RAB30: variants seen among roughly 807,000 people sequenced by gnomAD.
RAB30 encodes RAB30, member RAS oncogene family.
Under a neutral mutation model 25.1 loss-of-function variants are expected in RAB30, and 9 were observed. That is an observed-to-expected ratio of 0.36 (90% confidence interval 0.22 to 0.63). The LOEUF is 0.63. RAB30 is among the 20% of genes least tolerant of loss of function. The pLI, the probability that RAB30 is intolerant of heterozygous loss-of-function variation, is 0.69. For missense variants in RAB30, 140 were observed against 243.5 expected, an observed-to-expected ratio of 0.58 and a Z score of 2.83; for synonymous variants, 77 against 86.4, an observed-to-expected ratio of 0.89 and a Z score of 0.60.
rs978723720 is a variant in RAB30, at chr11:82,976,107, C to G, written c.*6058G>C. On this transcript the variant is annotated 3_prime_UTR_variant, in exon 5 of 5. Transcript: ENST00000527633. ...GAAATGGAGGGTGACAGTAGTAATGCCCAAAGGCAAAAGGATGGATCAGAC... is the reference window on the plus strand; with the variant it reads ...GAAATGGAGGGTGACAGTAGTAATGGCCAAAGGCAAAAGGATGGATCAGAC... 1 of 152,092 alleles carries G rather than the reference C, an allele frequency of 6.6e-6. No homozygotes were observed. Among genetic ancestry groups the G allele is most frequent in the Admixed American group, 6.6e-5 (1 of 15,260 alleles). 9.4% of individuals were successfully genotyped at this position (152,092 alleles called of 1,614,324 possible). A position where few individuals can be genotyped will look rare whatever the true frequency, so the allele number is the denominator to read the frequency against.
intron 1 of RAB30, among the ~76,000 whole-genome samples, chr11:83,039,734 C>G (rs1202576080): frequency 9.2e-5 from 14 of 152,014 alleles, no homozygotes; most frequent in African/African-American, 3.4e-4. Context: ...GAGCACACAA[C>G]AATGGAAGCT....
intron 2 of RAB30, among the ~76,000 whole-genome samples, chr11:82,996,471 T>C (rs191360747): frequency 1.3e-3 from 200 of 152,346 alleles, no homozygotes; most frequent in Admixed American, 2.8e-3. Flanking sequence ...AAGTACTTTA[T>C]GAAAATTCAA....
chr11:83,000,070 A>G (rs1292668603), intron 1 of RAB30, among the ~76,000 whole-genome samples: 1 of 152,064 alleles, frequency 6.6e-6, no homozygotes, highest in East Asian at 1.9e-4. Context: ...AAACAACCCT[A>G]TGAGGGGGAC....
intron 1 of RAB30, among the ~76,000 whole-genome samples, chr11:83,046,451 G>A (rs944404716): frequency 2.6e-5 from 4 of 152,044 alleles, no homozygotes; most frequent in African/African-American, 9.7e-5. Flanking sequence ...TGGCTCATAG[G>A]CCAAATCCAG....
chr11:82,987,831 A>G, intron 3 of RAB30, 61 bp from the exon 4 acceptor site: 1 of 1,240,924 alleles, frequency 8.1e-7, no homozygotes, highest in Admixed American at 2.7e-5. Flanking sequence ...AAAAAGAAAA[A>G]AAAAGCTTTG....
At chr11:82,992,064 C>T (rs980949991) in intron 3 of RAB30, among the ~76,000 whole-genome samples, 4 of 152,048 alleles carry the variant, frequency 2.6e-5, no homozygotes, top group Non-Finnish European at 5.9e-5. Flanking sequence ...TAAATGAACT[C>T]ATATATATAT....
chr11:83,051,725 A>G (rs973744288), intron 1 of RAB30, among the ~76,000 whole-genome samples: 2 of 151,856 alleles, frequency 1.3e-5, no homozygotes, highest in Non-Finnish European at 2.9e-5. Context: ...CCCTCATTTC[A>G]TTCTCAGAAG....
At position 82,978,890 on chromosome 11, in the gene RAB30, T is replaced by C. The variant is rs559137754; in HGVS notation, c.*3275A>G. ...AAACTCTAAATCAGAACTTGACACA[T>C]TGTCAAATCAACCCATTTAACTTTC... is the stretch of plus-strand genomic sequence containing the variant. On this transcript the variant is annotated 3_prime_UTR_variant, in exon 5 of 5. Coordinates refer to ENST00000527633, the MANE Select transcript of RAB30 (RefSeq NM_001286060.2). 5.3e-5 allele frequency: 8 copies of C among 152,318 alleles called. No homozygotes were observed. The highest frequency in any genetic ancestry group is 1.7e-4 in the African/African-American group (7 of 41,566). 9.4% of individuals were successfully genotyped at this position (152,318 alleles called of 1,614,324 possible). A position where few individuals can be genotyped will look rare whatever the true frequency, so the allele number is the denominator to read the frequency against.
chr11:83,008,374 A>G (rs769736059), intron 1 of RAB30, among the ~76,000 whole-genome samples: 3 of 152,202 alleles, frequency 2.0e-5, no homozygotes, highest in African/African-American at 4.8e-5. Flanking sequence ...AAGTGTCCAC[A>G]TGCTCAGCAA....
intron 1 of RAB30, among the ~76,000 whole-genome samples, chr11:83,046,338 T>C (rs1398125440): frequency 6.6e-6 from 1 of 152,130 alleles, no homozygotes; most frequent in Admixed American, 6.5e-5. Flanking sequence ...TTTCTAAGTG[T>C]CACCACTTAG....
intron 1 of RAB30, among the ~76,000 whole-genome samples, chr11:83,058,000 C>T (rs897013089): frequency 2.0e-5 from 3 of 152,146 alleles, no homozygotes; most frequent in African/African-American, 7.2e-5. Flanking sequence ...CTTGTTTTAC[C>T]CTTGCAACAA....
chr11:83,067,622 CAA>C (rs1858733061), intron 1 of RAB30, among the ~76,000 whole-genome samples: 2 of 152,222 alleles, frequency 1.3e-5, no homozygotes, highest in Non-Finnish European at 2.9e-5. Flanking sequence ...GAAAAAAACT[CAA>C]GTCATTTCAT....
chr11:83,004,551 A>C (rs189420948), intron 1 of RAB30, among the ~76,000 whole-genome samples: 1 of 152,312 alleles, frequency 6.6e-6, no homozygotes, highest in Admixed American at 6.5e-5. Context: ...GGAATAAAAA[A>C]GGGCAAGTAA....
intron 1 of RAB30, among the ~76,000 whole-genome samples, chr11:83,066,307 A>G (rs1312789461): frequency 6.6e-6 from 1 of 152,216 alleles, no homozygotes; most frequent in Non-Finnish European, 1.5e-5. Flanking sequence ...GGCATTTTCA[A>G]TTTACTACAG....
intron 1 of RAB30, among the ~76,000 whole-genome samples, chr11:83,012,164 G>A (rs1232063833): frequency 2.0e-5 from 3 of 152,208 alleles, no homozygotes; most frequent in East Asian, 1.9e-4. Context: ...AAAAGCTGCT[G>A]TGTTGGACTG....
At position 83,014,070 on chromosome 11, in the gene RAB30, C is replaced by G. The variant is rs905709753; in HGVS notation, c.-8-16746G>C. ...TGATGAACAAGAAGACAAGTTCCCCCTCTCATACAGCATAAAAATAGAGCA... is the reference window on the plus strand; with the variant it reads ...TGATGAACAAGAAGACAAGTTCCCCGTCTCATACAGCATAAAAATAGAGCA... On this transcript the variant is annotated intron_variant, in intron 1 of 4. Transcript: ENST00000527633. Among the ~76,000 whole-genome samples the G allele has an allele frequency of 2.0e-5, 3 of 152,154 alleles. No homozygotes were observed. The East Asian group carries it at 5.8e-4, about 29-fold the overall frequency.
Position 82,982,066 on chromosome 11 carries a change from G to A in RAB30, c.*99C>T. 1 of 1,516,164 alleles carries A rather than the reference G, an allele frequency of 6.6e-7. No homozygotes were observed. Among genetic ancestry groups the A allele is most frequent in the Middle Eastern group, 1.8e-4 (1 of 5,504 alleles). 93.9% of individuals were successfully genotyped at this position (1,516,164 alleles called of 1,614,324 possible). On this transcript the variant is annotated 3_prime_UTR_variant, in exon 5 of 5. Transcript: ENST00000527633. ...GCTCAGGAGCCCACAGGAGTCAGAAGGTCAGAGAGCGGGAGCCACAGTCAT... is the reference window on the plus strand; with the variant it reads ...GCTCAGGAGCCCACAGGAGTCAGAAAGTCAGAGAGCGGGAGCCACAGTCAT...
intron 1 of RAB30, among the ~76,000 whole-genome samples, chr11:83,065,425 TGGAAA>T (rs1048240263): frequency 4.0e-5 from 6 of 151,482 alleles, no homozygotes; most frequent in African/African-American, 1.2e-4. Context: ...AGGAAAGGAA[TGGAAA>T]GGAAAGGAAA....
intron 1 of RAB30, among the ~76,000 whole-genome samples, chr11:83,039,371 A>G (rs1858054045): frequency 6.6e-6 from 1 of 152,214 alleles, no homozygotes; most frequent in East Asian, 1.9e-4. Context: ...AGTCCATGAT[A>G]AAAAGTCCTA....
Sources: gnomAD v4.1 joint callset for allele counts (sites outside exome capture counted in the v4.1 genomes callset) on GRCh38, gnomAD v4.1.1 for gene constraint, MANE v1.5 for transcripts, NCBI Gene and HGNC (gene_info 2026-07-23, HGNC 2026-07-21) for gene names.